The following NALCN variants were observed in gnomAD, a reference collection of about 807,000 sequenced individuals.
NALCN encodes sodium leak channel NALCN.
A neutral mutation model predicts 225.3 loss-of-function variants in NALCN; 111 were observed. That is an observed-to-expected ratio of 0.49 (90% CI 0.42 to 0.58). The LOEUF is 0.58. Ranked by LOEUF, NALCN falls within the 20% of genes least tolerant of loss-of-function variation. The pLI is 0.00. For missense variants in NALCN, 1,378 were observed against 2,202.4 expected (o/e 0.63, Z 7.49); for synonymous variants, 764 against 769.0 (o/e 0.99, Z 0.11).
intron 26 of NALCN, among the ~76,000 whole-genome samples, chr13:101,101,287 T>TTC (rs1417482382): frequency 7.1e-6 from 1 of 141,756 alleles, no homozygotes; most frequent in African/African-American, 2.6e-5. Context: ...TTTTCTTTTT[T>TTC]TTTTTTTTTT....
chr13:101,195,348 C>G (rs962668057), intron 13 of NALCN, among the ~76,000 whole-genome samples: 3 of 152,184 alleles, frequency 2.0e-5, no homozygotes, highest in Non-Finnish European at 4.4e-5. Flanking sequence ...GCATTTTCCC[C>G]TATACATTTC....
chr13:101,245,585 T>G (rs2140175990), intron 11 of NALCN, among the ~76,000 whole-genome samples: 1 of 152,262 alleles, frequency 6.6e-6, no homozygotes, highest in South Asian at 2.1e-4. Flanking sequence ...TAAGAACATA[T>G]TTTCACCCCT....
intron 6 of NALCN, among the ~76,000 whole-genome samples, chr13:101,351,943 C>T (rs1234414409): frequency 6.6e-6 from 1 of 152,194 alleles, no homozygotes; most frequent in East Asian, 1.9e-4. Context: ...TGGCACTGCA[C>T]TTAGTGTTGG....
At chr13:101,124,817 T>G in intron 17 of NALCN, 136 bp from the exon 18 acceptor site, 1 of 817,782 alleles carries the variant, frequency 1.2e-6, no homozygotes, top group Non-Finnish European at 1.9e-6. Context: ...CAATTGACAA[T>G]TCTTGTCTAT....
At chr13:101,111,094 T>C (rs2035407062) in intron 19 of NALCN, 31 bp downstream of exon 19, 1 of 1,581,584 alleles carries the variant, frequency 6.3e-7, no homozygotes, top group African/African-American at 1.3e-5. Context: ...TTTTTTAGAG[T>C]CTCTGAAGCC....
intron 13 of NALCN, among the ~76,000 whole-genome samples, chr13:101,208,192 C>A (rs2040392809): frequency 6.6e-6 from 1 of 152,194 alleles, no homozygotes; most frequent in Admixed American, 6.5e-5. Context: ...ACGAACCCAC[C>A]AGGAGGGACA....
chr13:101,330,084 G>A, intron 7 of NALCN, among the ~76,000 whole-genome samples: 1 of 150,392 alleles, frequency 6.6e-6, no homozygotes, highest in Non-Finnish European at 1.5e-5. Context: ...AATGTTATTA[G>A]CAGCATATAT....
intron 36 of NALCN, 86 bp downstream of exon 36, chr13:101,074,428 A>T: frequency 7.7e-7 from 1 of 1,295,430 alleles, no homozygotes; most frequent in Non-Finnish European, 1.0e-6. Context: ...CCTAGACTTT[A>T]ATAGACAAAA....
At chr13:101,328,174 C>G (rs932843197) in intron 7 of NALCN, among the ~76,000 whole-genome samples, 1 of 152,198 alleles carries the variant, frequency 6.6e-6, no homozygotes, top group African/African-American at 2.4e-5. Context: ...TTAGAAATAG[C>G]TTTGCTGGTA....
intron 15 of NALCN, among the ~76,000 whole-genome samples, chr13:101,151,754 T>C (rs564515581): frequency 6.6e-6 from 1 of 152,360 alleles, no homozygotes; most frequent in South Asian, 2.1e-4. Context: ...TGCTAATTTG[T>C]ATATGTGATT....
At chr13:101,313,737 G>C (rs1413850189) in intron 7 of NALCN, among the ~76,000 whole-genome samples, 2 of 152,190 alleles carry the variant, frequency 1.3e-5, no homozygotes, top group Non-Finnish European at 2.9e-5. Flanking sequence ...TTCAACCCTT[G>C]TGGAAGTTGG....
At chr13:101,312,391 G>C (rs554296602) in intron 7 of NALCN, among the ~76,000 whole-genome samples, 8 of 151,962 alleles carry the variant, frequency 5.3e-5, no homozygotes, top group African/African-American at 1.9e-4. Flanking sequence ...GCTATTTCTT[G>C]CCTTCTGCTA....
At chr13:101,075,991 G>A in intron 34 of NALCN, 50 bp from the exon 35 acceptor site, 1 of 1,505,634 alleles carries the variant, frequency 6.6e-7, no homozygotes, top group East Asian at 2.3e-5. Context: ...AAAAGATCTT[G>A]TTACAGTTCC....
At chr13:101,382,750 T>C (rs2046885645) in intron 3 of NALCN, among the ~76,000 whole-genome samples, 1 of 152,194 alleles carries the variant, frequency 6.6e-6, no homozygotes, top group Non-Finnish European at 1.5e-5. Flanking sequence ...TTCTACCATG[T>C]AATGTAGAAA....
chr13:101,278,167 T>G (rs2043024816), intron 10 of NALCN, among the ~76,000 whole-genome samples: 1 of 152,176 alleles, frequency 6.6e-6, no homozygotes, highest in Admixed American at 6.5e-5. Flanking sequence ...AGTTTCAAAA[T>G]TACAAAGTAC....
At chr13:101,059,512 C>T (rs2031656034) in intron 42 of NALCN, among the ~76,000 whole-genome samples, 1 of 152,138 alleles carries the variant, frequency 6.6e-6, no homozygotes, top group South Asian at 2.1e-4. Flanking sequence ...GCCCTTAGAG[C>T]TGATGTTAAC....
chr13:101,409,824 A>T (rs780107608), intron 1 of NALCN, among the ~76,000 whole-genome samples: 166 of 152,370 alleles, frequency 1.1e-3, no homozygotes, highest in Admixed American at 2.0e-3. Context: ...AGACTGCTTA[A>T]CATATGAATT....
chr13:101,303,849 T>C (rs1191808411), intron 7 of NALCN, among the ~76,000 whole-genome samples: 1 of 152,126 alleles, frequency 6.6e-6, no homozygotes, highest in Non-Finnish European at 1.5e-5. Flanking sequence ...AATCAGACAT[T>C]TGTGCTGTGG....
In NALCN at chr13:101,068,791, A is replaced by G. The variant is rs753491228; in HGVS notation, c.4234T>C (p.Tyr1412His). Reference sequence around the variant, plus strand: ...TAATTTCCACAGTCTGTTGCCCAGTATGTAAATTCATCTGGAGTACAAAAC... The same window carrying G: ...TAATTTCCACAGTCTGTTGCCCAGTGTGTAAATTCATCTGGAGTACAAAAC... ...PPFCTPDEFT[Y>H]WATDCGNYAG... Residue 1412 changes from tyrosine (Y) to histidine (H), a missense_variant, in exon 38 of 44, where the codon TAC becomes CAC. Transcript: ENST00000251127. 4 of 1,612,258 alleles carry G rather than the reference A, an allele frequency of 2.5e-6. No individual in the cohort carries two copies. The highest frequency in any genetic ancestry group is 3.4e-6 in the Non-Finnish European group (4 of 1,179,288).
Sources: gnomAD v4.1 joint callset for allele counts (sites outside exome capture counted in the v4.1 genomes callset) on GRCh38, gnomAD v4.1.1 for gene constraint, MANE v1.5 for transcripts, NCBI Gene and HGNC (gene_info 2026-07-23, HGNC 2026-07-21) for gene names.